The following CTXN2 variants were observed in gnomAD, a reference collection of about 807,000 sequenced individuals.
CTXN2 encodes cortexin 2.
In CTXN2, 3 loss-of-function variants were observed where a neutral mutation model predicts 5.7. The ratio of observed to expected loss-of-function variants is 0.53; its 90% CI spans 0.24 to 1.36. The LOEUF is 1.36. CTXN2 is among the 40% of genes most tolerant of loss of function. The pLI, the probability that CTXN2 is intolerant of heterozygous loss-of-function variation, is 0.17. For synonymous variants in CTXN2, 38 were observed against 36.4 expected (o/e 1.04, Z -0.16); for missense variants, 87 against 93.0 (o/e 0.94, Z 0.26).
intron 1 of CTXN2, among the ~76,000 whole-genome samples, chr15:48,193,605 G>T (rs1334857530): frequency 2.0e-5 from 3 of 151,812 alleles, no homozygotes; most frequent in Admixed American, 2.0e-4. Flanking sequence ...AGGCATTACA[G>T]TGTCTGTTGT....
chr15:48,187,946 C>T (rs534132496), upstream of CTXN2, among the ~76,000 whole-genome samples: 20 of 152,084 alleles, frequency 1.3e-4, 1 homozygote, highest in Non-Finnish European at 2.6e-4. Flanking sequence ...GTCATCTTGA[C>T]ATTTTAATAT....
In CTXN2 at chr15:48,201,787, A is replaced by G; in HGVS notation, c.*241A>G. 1 of 501,006 alleles carries G rather than the reference A, an allele frequency of 2.0e-6. No homozygotes were observed. Among genetic ancestry groups the G allele is most frequent in the Non-Finnish European group, 3.7e-6 (1 of 270,408 alleles). The allele number at this position is 501,006 out of a possible 1,614,324, so 31.0% of individuals were successfully genotyped here. ...CATAAGGATGGCTGCCGCCATGTTT[A>G]CCATCTTTATTCTTATCTTGAACAA... On this transcript the variant is annotated 3_prime_UTR_variant, in exon 2 of 2. Coordinates refer to ENST00000417307, the MANE Select transcript of CTXN2 (RefSeq NM_001145668.2).
At chr15:48,201,218 TA>T in intron 1 of CTXN2, 25 bp from the exon 2 acceptor site, 1 of 1,454,256 alleles carries the variant, frequency 6.9e-7, no homozygotes. Flanking sequence ...AGGGTAAAAC[TA>T]AACTGAGTCC....
chr15:48,201,304 A>T lies in CTXN2; in HGVS notation c.4A>T (p.Ser2Cys). ...CACAACAATGTGCCAGTGAATAATG[A>T]GTAGTACCTACTGTGGCAACTCTTC... M[S>C]STYCGNSSAK... The change falls in exon 2 of 2, where the codon AGT becomes TGT. Residue 2 changes from serine (S) to cysteine (C), a missense_variant. By Grantham distance (112) the Ser-to-Cys change is moderately radical. Transcript: ENST00000417307. 6.4e-7 allele frequency: 1 copy of T among 1,551,240 alleles called. No individual in the cohort carries two copies. The highest frequency in any genetic ancestry group is 8.7e-7 in the Non-Finnish European group (1 of 1,146,632).
intron 1 of CTXN2, among the ~76,000 whole-genome samples, chr15:48,199,466 T>TA (rs781509813): frequency 2.0e-4 from 30 of 152,154 alleles, no homozygotes; most frequent in Non-Finnish European, 4.0e-4. Context: ...TATGCTCTAG[T>TA]AAAAAACTAA....
intron 1 of CTXN2, chr15:48,178,481 C>A: frequency 2.3e-6 from 1 of 437,316 alleles, no homozygotes; most frequent in East Asian, 3.9e-5. Context: ...TTGCTGCAGT[C>A]GGCCCTACAC....
chr15:48,194,092 T>C (rs958371850), intron 1 of CTXN2, among the ~76,000 whole-genome samples: 1 of 152,184 alleles, frequency 6.6e-6, no homozygotes, highest in Non-Finnish European at 1.5e-5. Context: ...TATTACTTTT[T>C]CAGTTGCTCT....
upstream of CTXN2, chr15:48,191,633 C>T: frequency 2.3e-6 from 1 of 443,340 alleles, no homozygotes; most frequent in Non-Finnish European, 4.6e-6. Flanking sequence ...CGCGCGCGCG[C>T]ACACGTACTT....
At chr15:48,181,796 T>C (rs1181485317) in intron 1 of CTXN2, among the ~76,000 whole-genome samples, 1 of 152,100 alleles carries the variant, frequency 6.6e-6, no homozygotes, top group African/African-American at 2.4e-5. Flanking sequence ...ACCAACAATA[T>C]GAAGTAAAAC....
chr15:48,181,476 T>C (rs894019559), intron 1 of CTXN2, among the ~76,000 whole-genome samples: 3 of 151,824 alleles, frequency 2.0e-5, no homozygotes, highest in Admixed American at 6.6e-5. Flanking sequence ...GTGGGGGAGG[T>C]TGGCAAATAA....
At chr15:48,183,925 C>T (rs767359215) in intron 1 of CTXN2, among the ~76,000 whole-genome samples, 1 of 152,202 alleles carries the variant, frequency 6.6e-6, no homozygotes, top group Admixed American at 6.5e-5. Flanking sequence ...GTATCAACAA[C>T]ATTTCTGAAA....
At chr15:48,192,014 C>A (rs1340416494) in intron 1 of CTXN2, 161 bp downstream of exon 1, 1 of 356,040 alleles carries the variant, frequency 2.8e-6, no homozygotes, top group African/African-American at 2.1e-5. Context: ...GCCAGTAGGT[C>A]TGATAAGTTC....
upstream of CTXN2, chr15:48,191,637 C>T (rs1037816814): frequency 2.2e-6 from 1 of 444,590 alleles, no homozygotes; most frequent in African/African-American, 2.0e-5. Context: ...CGCGCGCACA[C>T]GTACTTCGGC....
chr15:48,193,660 A>G (rs1273576627), intron 1 of CTXN2, among the ~76,000 whole-genome samples: 1 of 152,114 alleles, frequency 6.6e-6, no homozygotes, highest in Non-Finnish European at 1.5e-5. Context: ...TGCATATTTT[A>G]TCTATAACTG....
chr15:48,181,564 A>C (rs1029730082), intron 1 of CTXN2, among the ~76,000 whole-genome samples: 2 of 152,114 alleles, frequency 1.3e-5, no homozygotes, highest in African/African-American at 4.8e-5. Flanking sequence ...TCTTTTTTTT[A>C]ATTTATTTTG....
At chr15:48,196,701 T>A (rs1264243088) in intron 1 of CTXN2, among the ~76,000 whole-genome samples, 1 of 152,144 alleles carries the variant, frequency 6.6e-6, no homozygotes, top group Non-Finnish European at 1.5e-5. Context: ...TGGCATTACC[T>A]ATTAAACTCA....
Position 48,201,387 on chromosome 15 carries a change from T to G in CTXN2, c.87T>G (p.Thr29=), listed in dbSNP as rs1000743929. Residue 29 remains threonine, a synonymous_variant, in exon 2 of 2, where the codon ACT becomes ACG. Coordinates refer to ENST00000417307, the MANE Select transcript of CTXN2 (RefSeq NM_001145668.2). ...TCTCATTGACTCTGGAGCAAAAAAC[T>G]GGCTTTGCTTTTGTTGGGATTTTGT... ...SAFSLTLEQK[T]GFAFVGILCI... is the part of the protein sequence containing the mutation. The G allele has an allele frequency of 6.4e-7, 1 of 1,551,320 alleles. No homozygotes were observed. Among genetic ancestry groups the G allele is most frequent in the Non-Finnish European group, 8.7e-7 (1 of 1,146,770 alleles).
At chr15:48,201,073 A>T (rs1322208978) in intron 1 of CTXN2, among the ~76,000 whole-genome samples, 171 bp from the exon 2 acceptor site, 2 of 152,238 alleles carry the variant, frequency 1.3e-5, no homozygotes, top group African/African-American at 4.8e-5. Context: ...TACAACATTT[A>T]GAAGTAGCAT....
chr15:48,194,533 C>T (rs1213237882), intron 1 of CTXN2, among the ~76,000 whole-genome samples: 7 of 152,082 alleles, frequency 4.6e-5, no homozygotes, highest in African/African-American at 1.7e-4. Flanking sequence ...TGCTTAGTTT[C>T]CATCACCGCT....
Sources: allele counts gnomAD v4.1 joint callset (sites outside exome capture counted in the v4.1 genomes callset), GRCh38; gene constraint gnomAD v4.1.1; transcripts MANE v1.5; gene names NCBI Gene and HGNC (gene_info 2026-07-23, HGNC 2026-07-21).